NTNG1: variants seen among roughly 807,000 people sequenced by gnomAD.
NTNG1 encodes the protein netrin G1.
A neutral mutation model predicts 54.0 loss-of-function variants in NTNG1; 16 were observed. The ratio of observed to expected loss-of-function variants is 0.30; its 90% CI spans 0.20 to 0.45. NTNG1 has a LOEUF of 0.45. Ranked by LOEUF, NTNG1 falls within the 20% of genes least tolerant of loss-of-function variation. NTNG1 has a pLI of 1.00. For missense variants in NTNG1, 530 were observed against 678.7 expected (o/e 0.78, Z 2.43); for synonymous variants, 255 against 263.1 (o/e 0.97, Z 0.30).
At chr1:107,464,816 T>C (rs1677500067) in intron 7 of NTNG1, among the ~76,000 whole-genome samples, 1 of 152,214 alleles carries the variant, frequency 6.6e-6, no homozygotes, top group South Asian at 2.1e-4. Flanking sequence ...TACAAGAAGC[T>C]AAATCCAAGA....
chr1:107,171,029 G>A (rs746198351), intron 2 of NTNG1, among the ~76,000 whole-genome samples: 1 of 152,060 alleles, frequency 6.6e-6, no homozygotes, highest in Non-Finnish European at 1.5e-5. Context: ...CTAGCCTTTA[G>A]TATGTGGTAA....
chr1:107,307,535 G>A (rs971588711), intron 2 of NTNG1, among the ~76,000 whole-genome samples: 1 of 152,152 alleles, frequency 6.6e-6, no homozygotes, highest in African/African-American at 2.4e-5. Context: ...TTGCATAGAT[G>A]AGAAACTGAG....
chr1:107,475,922 T>C (rs1249760150), intron 7 of NTNG1, among the ~76,000 whole-genome samples: 1 of 152,128 alleles, frequency 6.6e-6, no homozygotes, highest in African/African-American at 2.4e-5. Flanking sequence ...GGGAGCAAAA[T>C]CATCCAGCGT....
rs1266420219 is a variant in NTNG1 at position 107,224,289 on chromosome 1, A to G, written c.246+75450A>G. ...TACCTGAAGATCTGATTGAGGATGT[A>G]AAACCCTAAATCAAAGCTCACGTTG... On this transcript the variant is annotated intron_variant, in intron 2 of 7. Coordinates refer to ENST00000370068, the MANE Select transcript of NTNG1 (RefSeq NM_001113226.3). Among the ~76,000 whole-genome samples the G allele has an allele frequency of 2.6e-5, 4 of 152,314 alleles. No individual in the cohort carries two copies. The East Asian group carries it at 7.7e-4, about 29-fold the overall frequency.
intron 3 of NTNG1, among the ~76,000 whole-genome samples, chr1:107,329,665 G>T (rs1328283751): frequency 6.6e-6 from 1 of 152,088 alleles, no homozygotes; most frequent in African/African-American, 2.4e-5. Flanking sequence ...AAAGCATTGA[G>T]CCTGGCCTTT....
intron 3 of NTNG1, among the ~76,000 whole-genome samples, chr1:107,386,808 A>G (rs562500294): frequency 3.9e-5 from 6 of 152,308 alleles, no homozygotes; most frequent in African/African-American, 1.2e-4. Flanking sequence ...CTGCCAGACT[A>G]TTTTGCAAAA....
intron 2 of NTNG1, among the ~76,000 whole-genome samples, chr1:107,161,695 A>G (rs1192206282): frequency 6.6e-6 from 1 of 151,890 alleles, no homozygotes; most frequent in East Asian, 1.9e-4. Flanking sequence ...AAAACACCAA[A>G]AAAACCTCCA....
chr1:107,404,202 G>A (rs1018418638), intron 4 of NTNG1, among the ~76,000 whole-genome samples: 4 of 151,764 alleles, frequency 2.6e-5, no homozygotes, highest in Non-Finnish European at 2.9e-5. Flanking sequence ...CCCTGGGTGT[G>A]TTAGGAAAAA....
At chr1:107,320,094 A>G (rs942784270) in intron 2 of NTNG1, among the ~76,000 whole-genome samples, 11 of 152,114 alleles carry the variant, frequency 7.2e-5, no homozygotes, top group African/African-American at 2.7e-4. Flanking sequence ...AATAACTACA[A>G]TTCTCCCAGA....
chr1:107,476,311 T>C (rs558065147), intron 7 of NTNG1, among the ~76,000 whole-genome samples: 1 of 152,302 alleles, frequency 6.6e-6, no homozygotes, highest in South Asian at 2.1e-4. Flanking sequence ...TGGTCTATAT[T>C]CTTCTAGGAT....
chr1:107,169,916 C>T (rs2101086215), intron 2 of NTNG1, among the ~76,000 whole-genome samples: 1 of 152,316 alleles, frequency 6.6e-6, no homozygotes, highest in South Asian at 2.1e-4. Context: ...GAGTCTGGAA[C>T]TCTTGTGCAC....
At chr1:107,288,607 G>A (rs903784146) in intron 2 of NTNG1, among the ~76,000 whole-genome samples, 1 of 152,106 alleles carries the variant, frequency 6.6e-6, no homozygotes, top group African/African-American at 2.4e-5. Flanking sequence ...GTAAGGAAAG[G>A]TGGTATAGTA....
intron 2 of NTNG1, among the ~76,000 whole-genome samples, chr1:107,298,076 A>G (rs1246996709): frequency 1.3e-5 from 2 of 152,218 alleles, no homozygotes; most frequent in Admixed American, 6.5e-5. Flanking sequence ...TATAATTGGC[A>G]TAGAACTCAG....
At chr1:107,169,124 C>T (rs1291707760) in intron 2 of NTNG1, among the ~76,000 whole-genome samples, 4 of 152,088 alleles carry the variant, frequency 2.6e-5, no homozygotes, top group African/African-American at 4.8e-5. Flanking sequence ...TTTAGAGCAT[C>T]TTGGTAGGTT....
intron 7 of NTNG1, among the ~76,000 whole-genome samples, chr1:107,461,925 T>G (rs773776501): frequency 2.0e-5 from 3 of 152,140 alleles, no homozygotes; most frequent in Non-Finnish European, 4.4e-5. Flanking sequence ...CTGGCTACTG[T>G]GTGGACAATG....
chr1:107,476,106 A>G lies in NTNG1; in HGVS notation c.1391-4505A>G, dbSNP rs539333859. Among the ~76,000 whole-genome samples the G allele has an allele frequency of 5.9e-5, 9 of 152,338 alleles. No homozygotes were observed. In the East Asian group the frequency reaches 1.7e-3, roughly 29 times the overall value. ...TCCAACTCAAAGTGCCCTTACTGTC[A>G]CACTTTTCCAGTTTGTCGATTCATA... On this transcript the variant is annotated intron_variant, in intron 7 of 7. Transcript: ENST00000370068.
intron 4 of NTNG1, among the ~76,000 whole-genome samples, chr1:107,396,107 C>A (rs969664624): frequency 6.6e-6 from 1 of 152,140 alleles, no homozygotes; most frequent in Non-Finnish European, 1.5e-5. Flanking sequence ...GACCAATTAA[C>A]TACCTGCAAC....
chr1:107,467,504 G>A (rs1677683374), intron 7 of NTNG1, among the ~76,000 whole-genome samples: 1 of 152,206 alleles, frequency 6.6e-6, no homozygotes. Context: ...GTTCACAACA[G>A]CCCTGTGAAG....
chr1:107,191,741 T>C (rs1361386276), intron 2 of NTNG1, among the ~76,000 whole-genome samples: 1 of 151,226 alleles, frequency 6.6e-6, no homozygotes, highest in Non-Finnish European at 1.5e-5. Context: ...TAGTTGTAGA[T>C]ATGTGGCGTT....
Sources: gnomAD v4.1 joint callset for allele counts (sites outside exome capture counted in the v4.1 genomes callset) on GRCh38, gnomAD v4.1.1 for gene constraint, MANE v1.5 for transcripts, NCBI Gene and HGNC (gene_info 2026-07-23, HGNC 2026-07-21) for gene names.